Variants in CD55 observed in about 807,000 individuals in gnomAD.
The protein encoded by CD55 is complement decay-accelerating factor.
CD55 carries 41 observed loss-of-function variants against 45.8 expected under a neutral mutation model. The ratio of observed to expected loss-of-function variants is 0.90; its 90% CI spans 0.70 to 1.16. The LOEUF (loss-of-function observed/expected upper bound fraction) is 1.16. Ranked by LOEUF, CD55 falls within the 50% of genes most tolerant of loss-of-function variation. CD55 has a pLI of 0.00. For synonymous variants in CD55, 181 were observed against 181.1 expected, an observed-to-expected ratio of 1.00 and a Z score of 0.01; for missense variants, 416 against 469.8, an observed-to-expected ratio of 0.89 and a Z score of 1.06.
At position 207,325,615 on chromosome 1, in the gene CD55, A is replaced by G; in HGVS notation, c.479-7A>G. 2.6e-6 allele frequency: 4 copies of G among 1,565,288 alleles called. No homozygotes were observed. Among genetic ancestry groups the G allele is most frequent in the Non-Finnish European group, 3.5e-6 (4 of 1,136,856 alleles). On this transcript the variant is annotated splice_region_variant and splice_polypyrimidine_tract_variant and intron_variant, in intron 3 of 9. Coordinates refer to ENST00000367064, the MANE Select transcript of CD55 (RefSeq NM_000574.5). ...ATTTTAAAAAATCAATTTGTATTCT[A>G]TTCTAGAGAAATCATGCCCTAATCC... is the stretch of plus-strand genomic sequence containing the variant.
chr1:207,323,843 C>T (rs138213271), intron 2 of CD55, among the ~76,000 whole-genome samples: 1 of 152,262 alleles, frequency 6.6e-6, no homozygotes, highest in East Asian at 1.9e-4. Context: ...TAAGTTGGGG[C>T]TCTTACACTC....
At chr1:207,324,389 G>T (rs1213305818) in intron 2 of CD55, among the ~76,000 whole-genome samples, 170 bp from the exon 3 acceptor site, 1 of 151,972 alleles carries the variant, frequency 6.6e-6, no homozygotes, top group Non-Finnish European at 1.5e-5. Flanking sequence ...GTATACATGT[G>T]AATACATTTG....
At chr1:207,337,252 T>C in intron 7 of CD55, 77 bp from the exon 8 acceptor site, 4 of 946,664 alleles carry the variant, frequency 4.2e-6, no homozygotes, top group Non-Finnish European at 6.9e-6. Flanking sequence ...CAGCAGCACG[T>C]AAGTCCACTA....
At chr1:207,324,524 A>C (rs1260862190) in intron 2 of CD55, 35 bp from the exon 3 acceptor site, 1 of 1,451,518 alleles carries the variant, frequency 6.9e-7, no homozygotes, top group African/African-American at 1.4e-5. Flanking sequence ...AATTGATACT[A>C]CATTTTTTGT....
In CD55 at chr1:207,337,375, A is replaced by AAGG. The variant is rs746637359; in HGVS notation, c.1027_1028insGGA (p.Glu342_Thr343insArg). 6.2e-7 allele frequency: 1 copy of AAGG among 1,611,098 alleles called. No homozygotes were observed. Among genetic ancestry groups the AAGG allele is most frequent in the Non-Finnish European group, 8.5e-7 (1 of 1,177,258 alleles). On this transcript the variant is annotated inframe_insertion, in exon 8 of 10. Coordinates refer to ENST00000367064, the MANE Select transcript of CD55 (RefSeq NM_000574.5). ...CCAGGACAACCAAGCATTTTCATGAAACAACCCCAAATAAAGGAAGTGGAA... is the reference window on the plus strand; with the variant it reads ...CCAGGACAACCAAGCATTTTCATGAAAGGACAACCCCAAATAAAGGAAGTGGAA...
Position 207,344,968 on chromosome 1 carries a change from G to A in CD55, c.1081+5551G>A, listed in dbSNP as rs539074067. On this transcript the variant is annotated intron_variant, in intron 9 of 9. Transcript: ENST00000367064. ...TGACCTCAGGTGATCCACCTGCCTC[G>A]GCCTCCCAAAGTGCTGGGATTACAG... is the stretch of plus-strand genomic sequence containing the variant. 5.9e-4 allele frequency among the ~76,000 whole-genome samples: 90 copies of A among 152,116 alleles called. 2 individuals carry two copies. The East Asian group carries it at 7.4e-3, about 12-fold the overall frequency.
chr1:207,340,123 TCA>T (rs998786424), intron 9 of CD55, among the ~76,000 whole-genome samples: 14 of 152,194 alleles, frequency 9.2e-5, no homozygotes, highest in Non-Finnish European at 2.1e-4. Context: ...TCCCTCCTAC[TCA>T]CACACTTTTC....
chr1:207,350,945 T>G (rs138926299), intron 9 of CD55, among the ~76,000 whole-genome samples: 43 of 152,290 alleles, frequency 2.8e-4, no homozygotes, highest in African/African-American at 1.0e-3. Context: ...GATGTTACTT[T>G]GTTAATTTGA....
intron 5 of CD55, among the ~76,000 whole-genome samples, chr1:207,330,162 GTC>G (rs1654877731): frequency 6.6e-6 from 1 of 152,128 alleles, no homozygotes; most frequent in Non-Finnish European, 1.5e-5. Context: ...TGGTGTGTGT[GTC>G]TCTGCACACT....
chr1:207,339,262 ATTAT>A (rs1400747826), intron 8 of CD55, 131 bp from the exon 9 acceptor site: 1 of 629,562 alleles, frequency 1.6e-6, no homozygotes, highest in Non-Finnish European at 2.8e-6. Context: ...TAAATTTATA[ATTAT>A]TTCATTTGTG....
chr1:207,355,575 C>T (rs962857931), intron 9 of CD55, among the ~76,000 whole-genome samples: 6 of 152,154 alleles, frequency 3.9e-5, no homozygotes, highest in East Asian at 1.9e-4. Flanking sequence ...AAAGCATATT[C>T]TGTAGGCAAA....
chr1:207,353,130 G>T (rs2251088), intron 9 of CD55, among the ~76,000 whole-genome samples: 146,068 of 146,930 alleles, frequency 0.99, 72,612 homozygotes, highest in Non-Finnish European at 1. Context: ...CTCGGCTCAC[G>T]GCAACCTCTG....
At chr1:207,349,214 A>T (rs375321871) in intron 9 of CD55, among the ~76,000 whole-genome samples, 2 of 148,352 alleles carry the variant, frequency 1.3e-5, no homozygotes, top group Non-Finnish European at 3.0e-5. Context: ...ACAGAGTCTC[A>T]CTCTGTCACT....
chr1:207,356,781 A>G (rs1038635131), intron 9 of CD55, among the ~76,000 whole-genome samples: 4 of 152,220 alleles, frequency 2.6e-5, no homozygotes, highest in African/African-American at 9.7e-5. Flanking sequence ...GTATTATTTA[A>G]AATATCTAAT....
intron 9 of CD55, among the ~76,000 whole-genome samples, chr1:207,353,727 C>T (rs1655976564): frequency 6.6e-6 from 1 of 152,090 alleles, no homozygotes; most frequent in Non-Finnish European, 1.5e-5. Context: ...TGAAGAAATA[C>T]AGAGGTACAG....
At chr1:207,336,541 G>A in intron 6 of CD55, 152 bp from the exon 7 acceptor site, 1 of 828,856 alleles carries the variant, frequency 1.2e-6, no homozygotes, top group Admixed American at 2.7e-5. Context: ...TCAGCTCCTT[G>A]AGAAATACTC....
chr1:207,357,052 C>G (rs1229568822), intron 9 of CD55, among the ~76,000 whole-genome samples: 1 of 152,068 alleles, frequency 6.6e-6, no homozygotes, highest in African/African-American at 2.4e-5. Flanking sequence ...TGACCTATCT[C>G]CTTTTTACCC....
At chr1:207,341,162 A>G (rs1178043124) in intron 9 of CD55, among the ~76,000 whole-genome samples, 1 of 152,200 alleles carries the variant, frequency 6.6e-6, no homozygotes, top group Admixed American at 6.5e-5. Flanking sequence ...TATTCTGGAT[A>G]TTAGTACCTT....
At chr1:207,355,944 T>C (rs1189895211) in intron 9 of CD55, among the ~76,000 whole-genome samples, 1 of 152,200 alleles carries the variant, frequency 6.6e-6, no homozygotes, top group Non-Finnish European at 1.5e-5. Context: ...TTTCTTCCTT[T>C]TTCTTTCGAA....
Sources: gnomAD v4.1 joint callset for allele counts (sites outside exome capture counted in the v4.1 genomes callset) on GRCh38, gnomAD v4.1.1 for gene constraint, MANE v1.5 for transcripts, NCBI Gene and HGNC (gene_info 2026-07-23, HGNC 2026-07-21) for gene names.